SLC24A2: variants seen among roughly 807,000 people sequenced by gnomAD.
SLC24A2 encodes the protein solute carrier family 24 member 2, also known as sodium/potassium/calcium exchanger 2.
Under a neutral mutation model 62.0 loss-of-function variants are expected in SLC24A2, and 36 were observed. That is an observed-to-expected ratio of 0.58 (90% confidence interval 0.44 to 0.77). SLC24A2 has a LOEUF of 0.77. Ranked by LOEUF, SLC24A2 falls within the 30% of genes least tolerant of loss-of-function variation. SLC24A2 has a pLI of 0.00. For synonymous variants in SLC24A2, 358 were observed against 294.0 expected, an observed-to-expected ratio of 1.22 and a Z score of -2.23; for missense variants, 846 against 817.9, an observed-to-expected ratio of 1.03 and a Z score of -0.42.
the SLC24A2 span, among the ~76,000 whole-genome samples, chr9:19,875,152 C>A: frequency 6.6e-6 from 1 of 152,122 alleles, no homozygotes; most frequent in African/African-American, 2.4e-5. Flanking sequence ...TAAATGGATA[C>A]CTTTGTGTCA....
At chr9:20,079,450 G>A in the SLC24A2 span, among the ~76,000 whole-genome samples, 3 of 151,906 alleles carry the variant, frequency 2.0e-5, no homozygotes, top group Non-Finnish European at 4.4e-5. Context: ...TTTTCCTTTT[G>A]TTTAATGCAA....
Position 19,694,144 on chromosome 9 carries a change from C to G in SLC24A2, c.931-71845G>C, listed in dbSNP as rs548684241. ...ACACTGTTCATTCTAAATAAACATG[C>G]TTTTAAAGATTAGGAAAATAATTAC... On this transcript the variant is annotated intron_variant, in intron 2 of 10. Transcript: ENST00000341998. Among the ~76,000 whole-genome samples the G allele has an allele frequency of 2.0e-5, 3 of 151,790 alleles. 1 individual carries two copies. The South Asian group carries it at 6.2e-4, about 31-fold the overall frequency.
intron 2 of SLC24A2, among the ~76,000 whole-genome samples, chr9:19,781,821 CTT>C (rs1288871441): frequency 4.6e-5 from 7 of 152,148 alleles, no homozygotes; most frequent in Non-Finnish European, 1.0e-4. Flanking sequence ...AATTCTGTGT[CTT>C]AAGCAAAGTT....
the SLC24A2 span, chr9:19,895,674 C>A: frequency 3.9e-5 from 30 of 760,778 alleles, no homozygotes; most frequent in South Asian, 5.5e-4. Context: ...AGGCTCCTGC[C>A]TTCCTTCACA....
At chr9:19,663,990 C>T (rs1819177692) in intron 2 of SLC24A2, among the ~76,000 whole-genome samples, 2 of 152,246 alleles carry the variant, frequency 1.3e-5, no homozygotes, top group Non-Finnish European at 2.9e-5. Flanking sequence ...CTGCTCTTAG[C>T]TGCACCTGCC....
At chr9:19,837,956 G>A in the SLC24A2 span, among the ~76,000 whole-genome samples, 2 of 151,866 alleles carry the variant, frequency 1.3e-5, no homozygotes, top group East Asian at 1.9e-4. Flanking sequence ...ATGCTCATGG[G>A]TAGGAAGAAT....
At chr9:19,666,264 G>T (rs960047650) in intron 2 of SLC24A2, among the ~76,000 whole-genome samples, 2 of 152,040 alleles carry the variant, frequency 1.3e-5, no homozygotes, top group Admixed American at 1.3e-4. Context: ...AAATTAGCCA[G>T]GCATGGTGGC....
chr9:19,898,081 G>A, the SLC24A2 span, among the ~76,000 whole-genome samples: 4 of 152,216 alleles, frequency 2.6e-5, no homozygotes, highest in South Asian at 8.3e-4. Context: ...GAGGGAATCA[G>A]AGGGTCATAG....
the SLC24A2 span, among the ~76,000 whole-genome samples, chr9:19,966,073 A>G: frequency 6.6e-6 from 1 of 152,180 alleles, no homozygotes; most frequent in East Asian, 1.9e-4. Context: ...ACAGATGCAT[A>G]ATTTACCGGA....
At chr9:19,831,649 G>C in the SLC24A2 span, among the ~76,000 whole-genome samples, 2 of 152,082 alleles carry the variant, frequency 1.3e-5, no homozygotes, top group Admixed American at 1.3e-4. Flanking sequence ...TAATTAGGAA[G>C]ACAACATTGT....
intron 2 of SLC24A2, among the ~76,000 whole-genome samples, chr9:19,682,458 C>T (rs973252155): frequency 5.9e-5 from 9 of 152,082 alleles, no homozygotes; most frequent in African/African-American, 1.9e-4. Context: ...AGCTCTTTTC[C>T]CCTTCTGTAA....
chr9:19,838,527 T>G, the SLC24A2 span, among the ~76,000 whole-genome samples: 3 of 151,072 alleles, frequency 2.0e-5, no homozygotes, highest in Non-Finnish European at 4.4e-5. Flanking sequence ...TAATCCCAGC[T>G]ACTTGGGAGG....
chr9:19,693,854 C>G (rs1369679951), intron 2 of SLC24A2, among the ~76,000 whole-genome samples: 1 of 151,418 alleles, frequency 6.6e-6, no homozygotes, highest in East Asian at 1.9e-4. Flanking sequence ...TTCTTTTTAC[C>G]TGTCTTTGTT....
At chr9:19,684,749 T>C (rs1819829452) in intron 2 of SLC24A2, among the ~76,000 whole-genome samples, 4 of 151,990 alleles carry the variant, frequency 2.6e-5, no homozygotes, top group Admixed American at 2.6e-4. Context: ...GGTGAGTTCA[T>C]ATCTGGTTCT....
chr9:19,974,618 T>C, the SLC24A2 span, among the ~76,000 whole-genome samples: 3 of 152,168 alleles, frequency 2.0e-5, no homozygotes, highest in Non-Finnish European at 2.9e-5. Flanking sequence ...TTAGGCAACA[T>C]TGGAAACAAT....
At chr9:19,883,162 G>A in the SLC24A2 span, among the ~76,000 whole-genome samples, 3 of 152,186 alleles carry the variant, frequency 2.0e-5, no homozygotes, top group Non-Finnish European at 4.4e-5. Context: ...AGAACTGCTA[G>A]AACATTAATT....
chr9:20,265,732 A>C, the SLC24A2 span, among the ~76,000 whole-genome samples: 5 of 151,910 alleles, frequency 3.3e-5, no homozygotes, highest in Non-Finnish European at 7.4e-5. Context: ...AGATAACCTT[A>C]AACTCTGGCC....
chr9:19,691,501 C>A (rs573683345), intron 2 of SLC24A2, among the ~76,000 whole-genome samples: 1 of 152,144 alleles, frequency 6.6e-6, no homozygotes, highest in African/African-American at 2.4e-5. Context: ...GTCATCCATG[C>A]ACTACCATCA....
At chr9:19,682,443 T>A (rs1819750146) in intron 2 of SLC24A2, among the ~76,000 whole-genome samples, 1 of 152,134 alleles carries the variant, frequency 6.6e-6, no homozygotes, top group African/African-American at 2.4e-5. Context: ...AACCCTCACC[T>A]TCAGAGCTCT....
Sources: allele counts gnomAD v4.1 joint callset (sites outside exome capture counted in the v4.1 genomes callset), GRCh38; gene constraint gnomAD v4.1.1; transcripts MANE v1.5; gene names NCBI Gene and HGNC (gene_info 2026-07-23, HGNC 2026-07-21).